SH3RF3: variants seen among roughly 807,000 people sequenced by gnomAD.
SH3RF3 encodes SH3 domain containing ring finger 3.
In SH3RF3, 29 loss-of-function variants were observed where a neutral mutation model predicts 66.3. The observed-to-expected ratio is 0.44, with a 90% CI of 0.33 to 0.60. The LOEUF (loss-of-function observed/expected upper bound fraction) is 0.60, where lower values mean the gene tolerates loss of function less well. Among genes scored for constraint, SH3RF3 ranks in the 20% least tolerant of loss-of-function variants. The pLI, the probability that SH3RF3 is intolerant of heterozygous loss-of-function variation, is 0.04. For synonymous variants in SH3RF3, 583 were observed against 532.0 expected, an observed-to-expected ratio of 1.10 and a Z score of -1.32; for missense variants, 1,194 against 1,190.9, an observed-to-expected ratio of 1.00 and a Z score of -0.04.
rs1255519196 is a variant in SH3RF3, at chr2:109,316,832, G to T, written c.574-30842G>T. ...CCCTCCCTGGCCTCACCCTCTGGCT[G>T]CCGTGGGTCTTTGTACTGTCGCTGT... On this transcript the variant is annotated intron_variant, in intron 1 of 9. Coordinates refer to ENST00000309415, the MANE Select transcript of SH3RF3 (RefSeq NM_001099289.3). Among the ~76,000 whole-genome samples the T allele has an allele frequency of 5.3e-5, 8 of 152,194 alleles. No homozygotes were observed. In the East Asian group the frequency reaches 7.7e-4, roughly 15 times the overall value.
chr2:109,398,619 G>A lies in SH3RF3; in HGVS notation c.975G>A (p.Glu325=). Residue 325 remains glutamate (E), a synonymous_variant, in exon 4 of 10, where the codon GAG becomes GAA. Transcript: ENST00000309415. ...ATGACTCCGCCAAGCAGCTCATTGA[G>A]ATGGACAAGCCATGCCCAGCCGCTG... ...ELNDSAKQLI[E]MDKPCPAAAS... 2 of 1,587,010 alleles carry A rather than the reference G, an allele frequency of 1.3e-6. No individual in the cohort carries two copies. Among genetic ancestry groups the A allele is most frequent in the Non-Finnish European group, 1.7e-6 (2 of 1,168,102 alleles).
intron 1 of SH3RF3, among the ~76,000 whole-genome samples, chr2:109,132,337 T>G (rs1192062261): frequency 6.6e-6 from 1 of 152,200 alleles, no homozygotes; most frequent in Non-Finnish European, 1.5e-5. Flanking sequence ...GACAGCTTTA[T>G]TTAAAAAAAA....
chr2:109,168,533 T>A (rs1677681923), intron 1 of SH3RF3, among the ~76,000 whole-genome samples: 1 of 152,212 alleles, frequency 6.6e-6, no homozygotes, highest in Non-Finnish European at 1.5e-5. Flanking sequence ...TGCAACATCT[T>A]CTTACACTTG....
chr2:109,359,126 C>A (rs1683006247), intron 2 of SH3RF3, among the ~76,000 whole-genome samples: 1 of 152,162 alleles, frequency 6.6e-6, no homozygotes, highest in South Asian at 2.1e-4. Flanking sequence ...CTCTTCCATT[C>A]CATTGATCTA....
chr2:109,402,019 A>G (rs1041641494), intron 4 of SH3RF3, among the ~76,000 whole-genome samples: 3 of 152,234 alleles, frequency 2.0e-5, no homozygotes, highest in African/African-American at 7.2e-5. Flanking sequence ...GAGGTCAAAT[A>G]AAGCAGTTGC....
chr2:109,229,995 T>C (rs1679466293), intron 1 of SH3RF3, among the ~76,000 whole-genome samples: 1 of 151,860 alleles, frequency 6.6e-6, no homozygotes, highest in Non-Finnish European at 1.5e-5. Context: ...CGGCTAATTT[T>C]TTGTATATTT....
At chr2:109,433,088 GTA>G (rs1381467808) in intron 6 of SH3RF3, among the ~76,000 whole-genome samples, 4 of 152,244 alleles carry the variant, frequency 2.6e-5, no homozygotes, top group African/African-American at 9.6e-5. Flanking sequence ...TGTGTGCAGA[GTA>G]TGTGCAGTGT....
At chr2:109,437,231 C>T in intron 7 of SH3RF3, 85 bp downstream of exon 7, 1 of 1,488,290 alleles carries the variant, frequency 6.7e-7, no homozygotes, top group Non-Finnish European at 9.0e-7. Context: ...TGGCCCAAGG[C>T]TCCAGCAGTG....
intron 1 of SH3RF3, among the ~76,000 whole-genome samples, chr2:109,291,622 A>G (rs1300867910): frequency 6.6e-6 from 1 of 152,156 alleles, no homozygotes; most frequent in East Asian, 1.9e-4. Flanking sequence ...GTGGTGGGGA[A>G]ATGTGTGGAG....
chr2:109,262,199 T>C (rs568965006), intron 1 of SH3RF3, among the ~76,000 whole-genome samples: 2 of 152,330 alleles, frequency 1.3e-5, no homozygotes, highest in African/African-American at 4.8e-5. Context: ...AACAGTCTTA[T>C]TTAAAGAAGA....
chr2:109,280,684 C>G (rs1316798791), intron 1 of SH3RF3, among the ~76,000 whole-genome samples: 1 of 152,234 alleles, frequency 6.6e-6, no homozygotes, highest in Non-Finnish European at 1.5e-5. Context: ...AACAACCTTT[C>G]TGCTTTGTAG....
chr2:109,371,726 C>T (rs770296545), intron 3 of SH3RF3, 45 bp downstream of exon 3: 2 of 1,546,214 alleles, frequency 1.3e-6, no homozygotes, highest in South Asian at 2.3e-5. Context: ...TCTTGCCCAC[C>T]CTTGTTTCAC....
rs536233480 is a variant in SH3RF3, at chr2:109,266,824, A to G, written c.574-80850A>G. On this transcript the variant is annotated intron_variant, in intron 1 of 9. Transcript: ENST00000309415. ...AGAGAGCCAGGGAGGGAGTCACCTC[A>G]TGTTATTTAATCACCCTCCAAATAT... 5.3e-5 allele frequency among the ~76,000 whole-genome samples: 8 copies of G among 152,190 alleles called. No homozygotes were observed. The East Asian group carries it at 1.6e-3, about 30-fold the overall frequency.
chr2:109,490,761 A>C lies in SH3RF3; in HGVS notation c.2305A>C (p.Ile769Leu). ...GGGCCCCGAAGTGTCCTCACTGTCC[A>C]TCCACGGCAGGGCAGGGTCCTGCCC... The part of the protein sequence containing the change: ...AVGPEVSSLS[I>L]HGRAGSCPIE... The change falls in exon 9 of 10, where the codon ATC becomes CTC. Residue 769 changes from isoleucine (I) to leucine (L), a missense_variant. Coordinates refer to ENST00000309415, the MANE Select transcript of SH3RF3 (RefSeq NM_001099289.3). 2.6e-6 allele frequency: 4 copies of C among 1,536,486 alleles called. No homozygotes were observed. The highest frequency in any genetic ancestry group is 4.9e-5 in the East Asian group (2 of 40,894).
intron 1 of SH3RF3, among the ~76,000 whole-genome samples, chr2:109,192,564 G>A (rs1342086895): frequency 1.3e-5 from 2 of 151,668 alleles, no homozygotes; most frequent in South Asian, 2.1e-4. Context: ...TGGTCCTCAT[G>A]TGGAATTTCT....
At chr2:109,146,769 C>T (rs750081701) in intron 1 of SH3RF3, among the ~76,000 whole-genome samples, 22 of 148,414 alleles carry the variant, frequency 1.5e-4, no homozygotes, top group Middle Eastern at 3.5e-3. Context: ...CGAAAACTTG[C>T]GGATCTCTCC....
intron 1 of SH3RF3, among the ~76,000 whole-genome samples, chr2:109,341,611 TCTTA>T (rs1682554673): frequency 6.6e-6 from 1 of 152,204 alleles, no homozygotes; most frequent in Admixed American, 6.5e-5. Flanking sequence ...GTTTCCTTTT[TCTTA>T]CTTCATGGTA....
intron 1 of SH3RF3, among the ~76,000 whole-genome samples, chr2:109,195,745 G>A (rs1218371549): frequency 2.6e-5 from 4 of 152,200 alleles, no homozygotes; most frequent in Non-Finnish European, 4.4e-5. Flanking sequence ...TTCTGATAAG[G>A]CGTTTAAAAA....
chr2:109,353,865 G>A (rs1226038823), intron 2 of SH3RF3, among the ~76,000 whole-genome samples: 5 of 152,076 alleles, frequency 3.3e-5, no homozygotes, highest in Admixed American at 2.0e-4. Flanking sequence ...ACCTGTGGCC[G>A]CAGGTTCCCC....
Sources: gnomAD v4.1 joint callset for allele counts (sites outside exome capture counted in the v4.1 genomes callset) on GRCh38, gnomAD v4.1.1 for gene constraint, MANE v1.5 for transcripts, NCBI Gene and HGNC (gene_info 2026-07-23, HGNC 2026-07-21) for gene names.